MMP24: variants seen among roughly 807,000 people sequenced by gnomAD.
The protein encoded by MMP24 is matrix metallopeptidase 24.
Under a neutral mutation model 62.8 loss-of-function variants are expected in MMP24, and 25 were observed. That is an observed-to-expected ratio of 0.40 (90% CI 0.29 to 0.56). The LOEUF (loss-of-function observed/expected upper bound fraction) is 0.56, where lower values mean the gene tolerates loss of function less well. Among genes scored for constraint, MMP24 ranks in the 20% least tolerant of loss-of-function variants. The pLI is 0.50. For synonymous variants in MMP24, 319 were observed against 350.5 expected (o/e 0.91, Z 1.00); for missense variants, 634 against 853.6 (o/e 0.74, Z 3.21).
At chr20:35,235,862 G>C (rs1237111304) in intron 1 of MMP24, among the ~76,000 whole-genome samples, 1 of 152,038 alleles carries the variant, frequency 6.6e-6, no homozygotes, top group Non-Finnish European at 1.5e-5. Flanking sequence ...GAAGACTAAG[G>C]CCTCTCCTTT....
chr20:35,262,125 G>T (rs1208234890), intron 4 of MMP24, among the ~76,000 whole-genome samples: 2 of 152,128 alleles, frequency 1.3e-5, no homozygotes, highest in African/African-American at 4.8e-5. Context: ...TTCATCTCTT[G>T]TAGGGGTGGG....
chr20:35,274,309 G>T lies in MMP24; in HGVS notation c.1638G>T (p.Lys546Asn), dbSNP rs1313482681. The T allele has an allele frequency of 1.2e-6, 2 of 1,613,278 alleles. No individual in the cohort carries two copies. The highest frequency in any genetic ancestry group is 1.7e-5 in the Admixed American group (1 of 60,026). ...TCTACAAGGGCCGGGACTACTGGAA[G>T]TTTGACAACCAGAAACTGAGCGTGG... Reference protein sequence around the residue: ...TYFYKGRDYWKFDNQKLSVEP... With the variant: ...TYFYKGRDYWNFDNQKLSVEP... Residue 546 changes from lysine (K) to asparagine (N), a missense_variant, in exon 9 of 9, where the codon AAG becomes AAT. Physicochemically the swap from Lys to Asn is moderately conservative, Grantham distance 94 (BLOSUM62 0). This residue lies in a region of MMP24 where 399 missense variants were observed against 530.8 expected (regional missense o/e 0.75). Transcript: ENST00000246186. The surrounding 1 kb of genome is among the most constrained non-coding windows in gnomAD (Gnocchi z 5.1).
In MMP24 at chr20:35,271,530, T is replaced by A; in HGVS notation, c.1334-39T>A. The A allele has an allele frequency of 8.8e-6, 14 of 1,594,782 alleles. No homozygotes were observed. The highest frequency in any genetic ancestry group is 1.3e-5 in the African/African-American group (1 of 74,518). On this transcript the variant is annotated intron_variant, in intron 7 of 8. Coordinates refer to ENST00000246186, the MANE Select transcript of MMP24 (RefSeq NM_006690.4). This position sits in a 1 kb window ranked among gnomAD's most constrained non-coding sequence, Gnocchi z 4.0. Reference sequence around the variant, plus strand: ...CTGAAGATGGGCAAACGGCACTGAGTGACTGGGGAAGCTGATCCTGGGCTC... The same window carrying A: ...CTGAAGATGGGCAAACGGCACTGAGAGACTGGGGAAGCTGATCCTGGGCTC...
chr20:35,255,900 C>T (rs532454748), intron 4 of MMP24: 1 of 152,304 alleles, frequency 6.6e-6, no homozygotes, highest in African/African-American at 2.4e-5. Context: ...TGATCTCTGT[C>T]CCCTGGCAGT....
At position 35,251,542 on chromosome 20, in the gene MMP24, C is replaced by T. The variant is rs533671665; in HGVS notation, c.396-363C>T. On this transcript the variant is annotated intron_variant, in intron 2 of 8. Coordinates refer to ENST00000246186, the MANE Select transcript of MMP24 (RefSeq NM_006690.4). ...TTCACATGTACTTCCTCCTTGAAGA[C>T]GCACCTCCACCTAAGACCAAGAACT... Among the ~76,000 whole-genome samples the T allele has an allele frequency of 9.2e-5, 14 of 152,246 alleles. No individual in the cohort carries two copies. The South Asian group carries it at 2.9e-3, about 32-fold the overall frequency.
At chr20:35,258,232 A>G (rs1401875034) in intron 4 of MMP24, among the ~76,000 whole-genome samples, 1 of 152,244 alleles carries the variant, frequency 6.6e-6, no homozygotes, top group Non-Finnish European at 1.5e-5. Context: ...ATACTTTAGT[A>G]TATACCTCTA....
chr20:35,260,150 C>T (rs1666057651), intron 4 of MMP24, among the ~76,000 whole-genome samples: 1 of 149,704 alleles, frequency 6.7e-6, no homozygotes. Context: ...CAGGCCTCTC[C>T]TCCTCATACC....
At position 35,271,914 on chromosome 20, in the gene MMP24, T is replaced by C; in HGVS notation, c.1600+79T>C. On this transcript the variant is annotated intron_variant, in intron 8 of 8. Transcript: ENST00000246186. The surrounding 1 kb of genome is among the most constrained non-coding windows in gnomAD (Gnocchi z 4.0). ...CACCAGTGCCCACGGGCATACTCAG[T>C]GCCCATGGGCGTCCAGGTTTGAAAA... is the stretch of plus-strand genomic sequence containing the variant. The C allele has an allele frequency of 6.9e-7, 1 of 1,454,032 alleles. No homozygotes were observed. The highest frequency in any genetic ancestry group is 1.4e-5 in the South Asian group (1 of 71,496). The allele number at this position is 1,454,032 out of a possible 1,614,324, so 90.1% of individuals were successfully genotyped here. A position where few individuals can be genotyped will look rare whatever the true frequency, so the allele number is the denominator to read the frequency against.
rs760431844 is a variant in MMP24, at chr20:35,271,040, T to TA, written c.1334-521dup. On this transcript the variant is annotated intron_variant, in intron 7 of 8. Transcript: ENST00000246186. This position sits in a 1 kb window ranked among gnomAD's most constrained non-coding sequence, Gnocchi z 4.0. The stretch of plus-strand genomic sequence containing the variant: ...GGGCAACAAGAGCCAAACTCCATCT[T>TA]AAAAAAAAGAAGTGGCTGAATACTG... 2.6e-4 allele frequency among the ~76,000 whole-genome samples: 39 copies of TA among 151,646 alleles called. No individual in the cohort carries two copies. In the East Asian group the frequency reaches 6.6e-3, roughly 26 times the overall value.
chr20:35,267,696 C>G lies in MMP24; in HGVS notation c.1194+277C>G, dbSNP rs927008634. Among the ~76,000 whole-genome samples, 5 of 152,314 alleles carry G rather than the reference C, an allele frequency of 3.3e-5. No homozygotes were observed. The East Asian group carries it at 9.7e-4, about 29-fold the overall frequency. ...AGCTGGCTTCTGGTCTGTGACCACCCTTCTTGGGACCTCAGTTTCTCCATC... is the reference window on the plus strand; with the variant it reads ...AGCTGGCTTCTGGTCTGTGACCACCGTTCTTGGGACCTCAGTTTCTCCATC... On this transcript the variant is annotated intron_variant, in intron 6 of 8. Transcript: ENST00000246186.
chr20:35,272,019 C>T, intron 8 of MMP24, 184 bp downstream of exon 8: 1 of 671,272 alleles, frequency 1.5e-6, no homozygotes, highest in Non-Finnish European at 2.5e-6. Flanking sequence ...TGCCAAGTCA[C>T]ACTTTTTCAT....
chr20:35,247,076 C>T (rs2060519069), intron 2 of MMP24, 88 bp downstream of exon 2: 1 of 1,450,856 alleles, frequency 6.9e-7, no homozygotes, highest in Non-Finnish European at 9.6e-7. Context: ...CACCCCATGC[C>T]CATCCTCCCT....
chr20:35,257,909 G>A (rs1193362425), intron 4 of MMP24, among the ~76,000 whole-genome samples: 3 of 152,222 alleles, frequency 2.0e-5, no homozygotes, highest in African/African-American at 7.2e-5. Flanking sequence ...AGTGAAGGCA[G>A]GTTTTGGGTG....
intron 1 of MMP24, among the ~76,000 whole-genome samples, chr20:35,238,079 A>T (rs2060472314): frequency 6.6e-6 from 1 of 152,214 alleles, no homozygotes; most frequent in Non-Finnish European, 1.5e-5. Flanking sequence ...CTGATGGACC[A>T]TTTGCTCAAG....
Position 35,238,387 on chromosome 20 carries a change from A to G in MMP24, c.247-8453A>G, listed in dbSNP as rs112418710. 6.4e-3 allele frequency among the ~76,000 whole-genome samples: 973 copies of G among 152,268 alleles called. 7 individuals carry two copies. The highest frequency in any genetic ancestry group is 0.021 in the African/African-American group (879 of 41,524). The stretch of plus-strand genomic sequence containing the variant: ...AATACAGTGTGGTAAGAATTGCGAT[A>G]AGGAAACAGATGGGGGACTGACAGG... On this transcript the variant is annotated intron_variant, in intron 1 of 8. Coordinates refer to ENST00000246186, the MANE Select transcript of MMP24 (RefSeq NM_006690.4).
intron 4 of MMP24, among the ~76,000 whole-genome samples, chr20:35,257,145 A>C (rs970587360): frequency 6.6e-6 from 1 of 152,138 alleles, no homozygotes; most frequent in African/African-American, 2.4e-5. Context: ...ATATCATCGC[A>C]TGGATTAGGG....
chr20:35,251,665 G>T (rs1032154319), intron 2 of MMP24, among the ~76,000 whole-genome samples: 4 of 152,166 alleles, frequency 2.6e-5, no homozygotes, highest in Non-Finnish European at 4.4e-5. Context: ...AGCTTATCAA[G>T]CCCATATATT....
chr20:35,260,876 GCCAAACAA>G (rs1416277680), intron 4 of MMP24, among the ~76,000 whole-genome samples: 1 of 152,192 alleles, frequency 6.6e-6, no homozygotes, highest in Non-Finnish European at 1.5e-5. Context: ...AGCCAGGAAG[GCCAAACAA>G]TCCCCACCCC....
chr20:35,263,127 C>T (rs1307609576), intron 4 of MMP24: 2 of 152,586 alleles, frequency 1.3e-5, no homozygotes, highest in Non-Finnish European at 2.9e-5. Context: ...AAACAGATCC[C>T]CCTGCCCCAG....
Sources: gnomAD v4.1 joint callset for allele counts (sites outside exome capture counted in the v4.1 genomes callset) on GRCh38, gnomAD v4.1.1 for gene constraint, gnomAD v4.1.1 regional missense constraint, Gnocchi (gnomAD v3.1) non-coding constraint, MANE v1.5 for transcripts, NCBI Gene and HGNC (gene_info 2026-07-23, HGNC 2026-07-21) for gene names.